TRIM14: variants seen among roughly 807,000 people sequenced by gnomAD.
The protein encoded by TRIM14 is tripartite motif-containing protein 14.
Under a neutral mutation model 44.5 loss-of-function variants are expected in TRIM14, and 28 were observed. The observed-to-expected ratio is 0.63, with a 90% CI of 0.47 to 0.86. TRIM14 has a LOEUF of 0.86. Among genes scored for constraint, TRIM14 ranks in the 40% least tolerant of loss-of-function variants. The pLI is 0.00. For missense variants in TRIM14, 607 were observed against 611.1 expected (o/e 0.99, Z 0.07); for synonymous variants, 299 against 269.2 (o/e 1.11, Z -1.08).
At chr9:98,064,750 T>C (rs1305618438), downstream of TRIM14, among the ~76,000 whole-genome samples, 1 of 152,166 alleles carries the variant, frequency 6.6e-6, no homozygotes, top group Non-Finnish European at 1.5e-5. Flanking sequence ...CAGTATGCTT[T>C]CCACAGTCCC....
At chr9:98,109,721 A>C (rs527489235) in intron 2 of TRIM14, among the ~76,000 whole-genome samples, 168 bp downstream of exon 2, 10 of 152,202 alleles carry the variant, frequency 6.6e-5, no homozygotes, top group South Asian at 4.1e-4. Flanking sequence ...TTTTGTCTGT[A>C]ATTTTGTGTT....
the TRIM14 span, among the ~76,000 whole-genome samples, chr9:98,039,456 A>G: frequency 1.3e-5 from 2 of 152,212 alleles, no homozygotes; most frequent in South Asian, 4.1e-4. Context: ...AAAGACAGTA[A>G]CAGCCCTTTC....
At chr9:98,064,399 G>A (rs376983766), downstream of TRIM14, among the ~76,000 whole-genome samples, 3 of 151,924 alleles carry the variant, frequency 2.0e-5, no homozygotes, top group Non-Finnish European at 4.4e-5. Context: ...GATTACAGGC[G>A]CCTGCCACCA....
intron 2 of TRIM14, among the ~76,000 whole-genome samples, chr9:98,101,946 T>G (rs1426071095): frequency 6.8e-6 from 1 of 146,368 alleles, no homozygotes; most frequent in Non-Finnish European, 1.5e-5. Context: ...AGGTGGAGCT[T>G]GCAGTGAGCT....
chr9:98,062,786 T>G, the TRIM14 span, among the ~76,000 whole-genome samples: 2 of 150,126 alleles, frequency 1.3e-5, no homozygotes, highest in Non-Finnish European at 3.0e-5. Flanking sequence ...AGTTTTTTTT[T>G]TTTTTTTTTT....
intron 6 of TRIM14, among the ~76,000 whole-genome samples, chr9:98,070,173 A>G (rs1412919411): frequency 6.6e-6 from 1 of 152,230 alleles, no homozygotes; most frequent in Non-Finnish European, 1.5e-5. Flanking sequence ...GCTGGAGTGC[A>G]GTGGCACGAT....
the TRIM14 span, among the ~76,000 whole-genome samples, chr9:98,038,916 AGCAGGT>A: frequency 1.0e-3 from 156 of 152,100 alleles, 1 homozygote; most frequent in East Asian, 5.4e-3. Flanking sequence ...CAGGTGTGGT[AGCAGGT>A]GCCTGTAGTC....
the TRIM14 span, among the ~76,000 whole-genome samples, chr9:98,036,269 G>A: frequency 1.3e-5 from 2 of 151,632 alleles, no homozygotes; most frequent in African/African-American, 4.8e-5. Context: ...GGGAGGCCGA[G>A]GCAGGCAGAT....
intron 5 of TRIM14, among the ~76,000 whole-genome samples, chr9:98,089,321 C>A (rs1435938401): frequency 1.3e-5 from 2 of 152,014 alleles, no homozygotes; most frequent in African/African-American, 2.4e-5. Flanking sequence ...GGATTACAGG[C>A]ACCTGCCACC....
chr9:98,064,200 CAT>C, the TRIM14 span, among the ~76,000 whole-genome samples: 1 of 152,196 alleles, frequency 6.6e-6, no homozygotes, highest in South Asian at 2.1e-4. Context: ...TAATTCACAG[CAT>C]TCGTACGCAT....
At chr9:98,110,229 C>A (rs1826793940) in intron 1 of TRIM14, 2 of 498,232 alleles carry the variant, frequency 4.0e-6, no homozygotes, top group Non-Finnish European at 7.3e-6. Context: ...TCACACTTTA[C>A]TTTATCTAGG....
At chr9:98,045,198 C>T in the TRIM14 span, among the ~76,000 whole-genome samples, 1 of 152,114 alleles carries the variant, frequency 6.6e-6, no homozygotes, top group Non-Finnish European at 1.5e-5. Flanking sequence ...AAACAACAGC[C>T]AAGACTACTT....
downstream of TRIM14, chr9:98,080,735 C>T (rs1829814625): frequency 6.8e-7 from 1 of 1,474,904 alleles, no homozygotes; most frequent in South Asian, 1.4e-5. Flanking sequence ...TAAACCGGGG[C>T]TCAACCAGAT....
downstream of TRIM14, among the ~76,000 whole-genome samples, chr9:98,066,851 A>G (rs1829163436): frequency 1.3e-5 from 2 of 152,074 alleles, no homozygotes; most frequent in Non-Finnish European, 2.9e-5. Context: ...GGGTTTCACC[A>G]TGTTGACCAG....
chr9:98,077,069 T>G (rs1442798087), intron 6 of TRIM14: 1 of 1,368,382 alleles, frequency 7.3e-7, no homozygotes. Context: ...ACCTTCATAT[T>G]TTTACTCCCC....
At chr9:98,092,059 C>T (rs1320594579) in intron 4 of TRIM14, 58 bp from the exon 5 acceptor site, 6 of 1,375,760 alleles carry the variant, frequency 4.4e-6, no homozygotes, top group East Asian at 2.4e-5. Flanking sequence ...ACAAATAAGA[C>T]GTGCTAAAAA....
chr9:98,098,745 A>C (rs1256837289), intron 3 of TRIM14, among the ~76,000 whole-genome samples: 8 of 152,046 alleles, frequency 5.3e-5, no homozygotes, highest in Admixed American at 4.6e-4. Context: ...ATCCTCAACA[A>C]CATGCTTTCT....
chr9:98,054,780 C>T, the TRIM14 span, among the ~76,000 whole-genome samples: 90 of 152,310 alleles, frequency 5.9e-4, no homozygotes, highest in African/African-American at 1.9e-3. Context: ...CTGGATCCAT[C>T]GCCAGAGGGG....
chr9:98,040,543 C>T, the TRIM14 span, among the ~76,000 whole-genome samples: 1 of 152,022 alleles, frequency 6.6e-6, no homozygotes, highest in Non-Finnish European at 1.5e-5. Context: ...TTGGGCCTAT[C>T]CTCGGTCTTT....
Sources: gnomAD v4.1 joint callset for allele counts (sites outside exome capture counted in the v4.1 genomes callset) on GRCh38, gnomAD v4.1.1 for gene constraint, MANE v1.5 for transcripts, NCBI Gene and HGNC (gene_info 2026-07-23, HGNC 2026-07-21) for gene names.